SLC44A5: variants seen among roughly 807,000 people sequenced by gnomAD.
The protein encoded by SLC44A5 is solute carrier family 44 member 5, also known as choline transporter-like protein 5.
A neutral mutation model predicts 101.8 loss-of-function variants in SLC44A5; 57 were observed. The observed-to-expected ratio is 0.56, with a 90% CI of 0.45 to 0.70. The LOEUF is 0.70. Among genes scored for constraint, SLC44A5 ranks in the 30% least tolerant of loss-of-function variants. The pLI, the probability that SLC44A5 is intolerant of heterozygous loss-of-function variation, is 0.00. For synonymous variants in SLC44A5, 281 were observed against 290.9 expected (o/e 0.97, Z 0.35); for missense variants, 737 against 853.1 (o/e 0.86, Z 1.70).
chr1:75,712,740 C>T, the SLC44A5 span, among the ~76,000 whole-genome samples: 1 of 129,758 alleles, frequency 7.7e-6, no homozygotes, highest in Admixed American at 7.4e-5. Flanking sequence ...AAATCAGGTA[C>T]CAAAAAATGC....
chr1:75,533,703 CTT>C (rs992933486), intron 2 of SLC44A5, among the ~76,000 whole-genome samples: 32 of 152,172 alleles, frequency 2.1e-4, no homozygotes, highest in Non-Finnish European at 3.7e-4. Flanking sequence ...TGTAAAAACT[CTT>C]TGTCTTCCTT....
At chr1:75,562,596 G>A (rs1672578366) in intron 1 of SLC44A5, among the ~76,000 whole-genome samples, 2 of 152,110 alleles carry the variant, frequency 1.3e-5, no homozygotes, top group South Asian at 4.1e-4. Flanking sequence ...TACTCGGGGG[G>A]AGGATTGCTT....
chr1:75,675,587 A>G, the SLC44A5 span, among the ~76,000 whole-genome samples: 1 of 152,172 alleles, frequency 6.6e-6, no homozygotes, highest in Non-Finnish European at 1.5e-5. Context: ...ATAAAATCAA[A>G]AACTATAAAA....
At chr1:75,228,759 T>C (rs1647305601) in intron 12 of SLC44A5, among the ~76,000 whole-genome samples, 3 of 151,772 alleles carry the variant, frequency 2.0e-5, no homozygotes, top group Admixed American at 1.3e-4. Flanking sequence ...ATCTGTTCTT[T>C]TTTTAATAAG....
At chr1:75,483,467 G>C (rs1326231768) in intron 2 of SLC44A5, among the ~76,000 whole-genome samples, 2 of 152,116 alleles carry the variant, frequency 1.3e-5, no homozygotes, top group Admixed American at 6.5e-5. Context: ...CTCTAGCTAG[G>C]ATTTAGAAAA....
At chr1:75,645,613 C>A in the SLC44A5 span, among the ~76,000 whole-genome samples, 2 of 151,670 alleles carry the variant, frequency 1.3e-5, no homozygotes, top group Non-Finnish European at 2.9e-5. Flanking sequence ...TTTTGCTGTG[C>A]AGAAGCTCTT....
the SLC44A5 span, among the ~76,000 whole-genome samples, chr1:75,707,734 G>C: frequency 6.6e-6 from 1 of 152,072 alleles, no homozygotes; most frequent in Admixed American, 6.5e-5. Context: ...TCCTTGTAAA[G>C]GGTTTCCAAA....
At chr1:75,480,852 C>A (rs902806956) in intron 2 of SLC44A5, among the ~76,000 whole-genome samples, 1 of 152,128 alleles carries the variant, frequency 6.6e-6, no homozygotes, top group Non-Finnish European at 1.5e-5. Context: ...AGATTCAATG[C>A]CATCCCCATC....
chr1:75,670,780 A>C, the SLC44A5 span, among the ~76,000 whole-genome samples: 1 of 152,222 alleles, frequency 6.6e-6, no homozygotes, highest in African/African-American at 2.4e-5. Context: ...GGTTCTTGTG[A>C]CTATACTTTG....
At chr1:75,478,807 C>A (rs1667613705) in intron 2 of SLC44A5, among the ~76,000 whole-genome samples, 1 of 152,194 alleles carries the variant, frequency 6.6e-6, no homozygotes, top group Non-Finnish European at 1.5e-5. Context: ...ATAATGGAGA[C>A]TTTAACACCC....
chr1:75,282,729 C>A (rs527285413), intron 5 of SLC44A5, among the ~76,000 whole-genome samples: 1 of 152,214 alleles, frequency 6.6e-6, no homozygotes, highest in Non-Finnish European at 1.5e-5. Flanking sequence ...TTATAAGGGG[C>A]TTTTCCCCCT....
chr1:75,605,453 G>A (rs1401032422), intron 1 of SLC44A5, among the ~76,000 whole-genome samples: 1 of 152,036 alleles, frequency 6.6e-6, no homozygotes, highest in Non-Finnish European at 1.5e-5. Context: ...AGATGCCTGA[G>A]AGGCCACCCC....
rs187590777 is a variant in SLC44A5 at position 75,367,064 on chromosome 1, T to C, written c.53-27434A>G. Among the ~76,000 whole-genome samples, 185 of 152,366 alleles carry C rather than the reference T, an allele frequency of 1.2e-3. 1 individual carries two copies. The highest frequency in any genetic ancestry group is 0.011 in the Admixed American group (162 of 15,304). Reference sequence around the variant, plus strand: ...ATGTCAGTTACTAGAGCTTTGCTAGTTTCCTTAGGCAGTGTCATGTTTGCT... The same window carrying C: ...ATGTCAGTTACTAGAGCTTTGCTAGCTTCCTTAGGCAGTGTCATGTTTGCT... On this transcript the variant is annotated intron_variant, in intron 3 of 23. Transcript: ENST00000370859.
chr1:75,612,213 T>C (rs1428974945), upstream of SLC44A5, among the ~76,000 whole-genome samples: 21 of 152,084 alleles, frequency 1.4e-4, no homozygotes, highest in Admixed American at 1.2e-3. Context: ...CCTAGGGAGT[T>C]GATGTAGGAA....
At chr1:75,582,473 G>A in intron 1 of SLC44A5, 1 of 610,744 alleles carries the variant, frequency 1.6e-6, no homozygotes, top group Non-Finnish European at 2.9e-6. Context: ...CAAGACCAAG[G>A]ATCAAACCAA....
intron 1 of SLC44A5, among the ~76,000 whole-genome samples, chr1:75,586,477 A>C (rs1390519917): frequency 2.4e-5 from 2 of 84,382 alleles, no homozygotes; most frequent in African/African-American, 5.6e-5. Flanking sequence ...ATATATATAA[A>C]ATTTAAAATG....
intron 1 of SLC44A5, among the ~76,000 whole-genome samples, chr1:75,602,209 C>T (rs1332791): frequency 0.045 from 6,870 of 152,212 alleles, 182 homozygotes; most frequent in East Asian, 0.1. Context: ...TATTTGCCTA[C>T]GCTTCATTAT....
At chr1:75,454,028 A>G (rs769116843) in intron 2 of SLC44A5, among the ~76,000 whole-genome samples, 4 of 151,934 alleles carry the variant, frequency 2.6e-5, no homozygotes, top group Non-Finnish European at 5.9e-5. Flanking sequence ...AGGGAGAGGG[A>G]CTCTTCCCTA....
chr1:75,386,377 CA>C (rs1263875829), intron 3 of SLC44A5, among the ~76,000 whole-genome samples: 1 of 152,140 alleles, frequency 6.6e-6, no homozygotes, highest in Non-Finnish European at 1.5e-5. Context: ...GATACAAAAT[CA>C]ATGTGCAAAA....
Sources: allele counts gnomAD v4.1 joint callset (sites outside exome capture counted in the v4.1 genomes callset), GRCh38; gene constraint gnomAD v4.1.1; transcripts MANE v1.5; gene names NCBI Gene and HGNC (gene_info 2026-07-23, HGNC 2026-07-21).